SNTG1: variants seen among roughly 807,000 people sequenced by gnomAD.
SNTG1 encodes syntrophin gamma 1.
A neutral mutation model predicts 74.7 loss-of-function variants in SNTG1; 39 were observed. The observed-to-expected ratio is 0.52, with a 90% CI of 0.40 to 0.68. The LOEUF is 0.68. Ranked by LOEUF, SNTG1 falls within the 30% of genes least tolerant of loss-of-function variation. SNTG1 has a pLI of 0.00. For missense variants in SNTG1, 685 were observed against 609.5 expected (o/e 1.12, Z -1.30); for synonymous variants, 254 against 217.1 (o/e 1.17, Z -1.49).
At chr8:49,983,061 C>A (rs1356677248) in intron 1 of SNTG1, among the ~76,000 whole-genome samples, 1 of 152,086 alleles carries the variant, frequency 6.6e-6, no homozygotes, top group Admixed American at 6.5e-5. Context: ...TCATCCCTAC[C>A]CAAAGGATGC....
At chr8:50,542,006 GT>G (rs1192353879) in intron 11 of SNTG1, among the ~76,000 whole-genome samples, 1 of 119,810 alleles carries the variant, frequency 8.3e-6, no homozygotes, top group Non-Finnish European at 1.7e-5. Context: ...ATTTCATTTT[GT>G]TTTTCATGGA....
chr8:50,122,847 G>A (rs1332535948), intron 1 of SNTG1, among the ~76,000 whole-genome samples: 1 of 142,280 alleles, frequency 7.0e-6, no homozygotes, highest in African/African-American at 2.5e-5. Context: ...GCTCTCACAG[G>A]AAGAATGCAC....
chr8:50,270,371 T>C (rs1213894477), intron 2 of SNTG1, among the ~76,000 whole-genome samples: 1 of 152,124 alleles, frequency 6.6e-6, no homozygotes, highest in Non-Finnish European at 1.5e-5. Context: ...AAACAAGAAC[T>C]ATAAAAAGAG....
Position 50,556,794 on chromosome 8 carries a change from C to G in SNTG1, c.810+3615C>G, listed in dbSNP as rs16915044. 2.0e-4 allele frequency among the ~76,000 whole-genome samples: 30 copies of G among 152,134 alleles called. 1 individual carries two copies. Among genetic ancestry groups the G allele is most frequent in the Non-Finnish European group, 3.7e-4 (25 of 68,036 alleles). ...CCCTTATGGGATCACCTTCCATGTG[C>G]GTTGGCTCCATAGTGAGCTCTGAAG... On this transcript the variant is annotated intron_variant, in intron 12 of 18. Transcript: ENST00000642720.
chr8:50,740,632 T>C lies in SNTG1; in HGVS notation c.1285-11369T>C, dbSNP rs532600633. 3.3e-5 allele frequency among the ~76,000 whole-genome samples: 5 copies of C among 151,944 alleles called. No individual in the cohort carries two copies. In the South Asian group the frequency reaches 8.4e-4, roughly 25 times the overall value. The stretch of plus-strand genomic sequence containing the variant: ...AATATTATTTAACCCATCAATCCCA[T>C]TACTGAGTATATACTCAAAGGAATA... On this transcript the variant is annotated intron_variant, in intron 17 of 18. Transcript: ENST00000642720.
chr8:50,326,010 G>C (rs2090732526), intron 2 of SNTG1, among the ~76,000 whole-genome samples: 1 of 151,824 alleles, frequency 6.6e-6, no homozygotes, highest in Non-Finnish European at 1.5e-5. Context: ...TTATTAGCTT[G>C]TGAATATGAT....
intron 1 of SNTG1, among the ~76,000 whole-genome samples, chr8:50,078,138 A>G (rs1007229715): frequency 2.0e-5 from 3 of 152,234 alleles, no homozygotes; most frequent in African/African-American, 7.2e-5. Flanking sequence ...CCATTGGTTT[A>G]TATGTTGTCT....
chr8:50,746,048 C>G (rs1458666104), intron 17 of SNTG1, among the ~76,000 whole-genome samples: 2 of 151,854 alleles, frequency 1.3e-5, no homozygotes, highest in Non-Finnish European at 2.9e-5. Context: ...TATTTTACCA[C>G]ACCAAAAGAA....
chr8:50,061,333 T>C (rs1254083582), intron 1 of SNTG1, among the ~76,000 whole-genome samples: 1 of 152,118 alleles, frequency 6.6e-6, no homozygotes, highest in African/African-American at 2.4e-5. Context: ...GTTCCACAAT[T>C]ACCTTTTTAA....
At chr8:50,741,576 G>T (rs981072355) in intron 17 of SNTG1, among the ~76,000 whole-genome samples, 1 of 151,984 alleles carries the variant, frequency 6.6e-6, no homozygotes, top group Non-Finnish European at 1.5e-5. Flanking sequence ...GTCTGCACAT[G>T]GATATTTAGA....
intron 9 of SNTG1, among the ~76,000 whole-genome samples, chr8:50,510,547 G>T (rs953213008): frequency 2.6e-5 from 4 of 152,104 alleles, no homozygotes; most frequent in Non-Finnish European, 5.9e-5. Flanking sequence ...TCTGGTCCTG[G>T]ACTTTTTTTG....
chr8:50,017,076 T>C (rs539993280), intron 1 of SNTG1, among the ~76,000 whole-genome samples: 2 of 152,104 alleles, frequency 1.3e-5, no homozygotes, highest in African/African-American at 4.8e-5. Context: ...AATATTAAAG[T>C]GAATCTTTCA....
chr8:50,256,789 T>C (rs2086903057), intron 2 of SNTG1, among the ~76,000 whole-genome samples: 1 of 150,604 alleles, frequency 6.6e-6, no homozygotes, highest in East Asian at 1.9e-4. Flanking sequence ...TGTGTGCGTG[T>C]GTGTGTGTGT....
rs1360353293 is a variant in SNTG1 at position 50,750,446 on chromosome 8, T to A, written c.1285-1555T>A. ...TAAACAGCAGCAGGATTTGAGTGAA[T>A]TGACTGCAGTTCAGAAATTCTGTGG... is the stretch of plus-strand genomic sequence containing the variant. On this transcript the variant is annotated intron_variant, in intron 17 of 18. Transcript: ENST00000642720. Among the ~76,000 whole-genome samples the A allele has an allele frequency of 2.0e-5, 3 of 152,048 alleles. No individual in the cohort carries two copies. In the East Asian group the frequency reaches 5.8e-4, roughly 30 times the overall value.
intron 1 of SNTG1, among the ~76,000 whole-genome samples, chr8:50,154,026 C>G (rs191204003): frequency 1.3e-5 from 2 of 152,294 alleles, no homozygotes; most frequent in Non-Finnish European, 2.9e-5. Flanking sequence ...GCATGCAGGC[C>G]TCCTTGAGCT....
At chr8:50,712,248 G>A (rs2095463652) in intron 17 of SNTG1, among the ~76,000 whole-genome samples, 1 of 152,120 alleles carries the variant, frequency 6.6e-6, no homozygotes, top group African/African-American at 2.4e-5. Context: ...GGAATTTGAG[G>A]GAAGAGGAGA....
chr8:50,251,959 G>A (rs1033651950), intron 2 of SNTG1, among the ~76,000 whole-genome samples: 1 of 151,808 alleles, frequency 6.6e-6, no homozygotes, highest in Admixed American at 6.6e-5. Context: ...TTACATATTA[G>A]GCCACAAAAC....
At chr8:50,420,166 G>T (rs78875035) in intron 4 of SNTG1, among the ~76,000 whole-genome samples, 2,816 of 152,202 alleles carry the variant, frequency 0.019, 89 homozygotes, top group African/African-American at 0.063. Context: ...ATGAATTTAT[G>T]TATTCTGGAA....
chr8:50,010,070 A>C lies in SNTG1; in HGVS notation c.-103+97839A>C, dbSNP rs181251785. Among the ~76,000 whole-genome samples the C allele has an allele frequency of 5.9e-5, 9 of 152,240 alleles. No individual in the cohort carries two copies. In the South Asian group the frequency reaches 1.2e-3, roughly 21 times the overall value. On this transcript the variant is annotated intron_variant, in intron 1 of 18. Transcript: ENST00000642720. The stretch of plus-strand genomic sequence containing the variant: ...TATCAAGTCTCAAGTCTTCTTAATT[A>C]ACTTTACTTTCTTAATGATTTTCTT...
Sources: allele counts gnomAD v4.1 joint callset (sites outside exome capture counted in the v4.1 genomes callset), GRCh38; gene constraint gnomAD v4.1.1; transcripts MANE v1.5; gene names NCBI Gene and HGNC (gene_info 2026-07-23, HGNC 2026-07-21).